The following ZSCAN25 variants were observed in gnomAD, a reference collection of about 807,000 sequenced individuals.
The protein encoded by ZSCAN25 is zinc finger and SCAN domain-containing protein 25.
ZSCAN25 carries 27 observed loss-of-function variants against 38.7 expected under a neutral mutation model. The ratio of observed to expected loss-of-function variants is 0.70; its 90% CI spans 0.51 to 0.96. The LOEUF (loss-of-function observed/expected upper bound fraction) is 0.96. ZSCAN25 is among the 40% of genes least tolerant of loss of function. ZSCAN25 has a pLI of 0.00. For synonymous variants in ZSCAN25, 273 were observed against 277.7 expected, an observed-to-expected ratio of 0.98 and a Z score of 0.17; for missense variants, 637 against 705.9, an observed-to-expected ratio of 0.90 and a Z score of 1.11.
chr7:99,667,362 G>T, the ZSCAN25 span, among the ~76,000 whole-genome samples: 1 of 152,140 alleles, frequency 6.6e-6, no homozygotes, highest in Non-Finnish European at 1.5e-5. Flanking sequence ...TCTTCCAGTG[G>T]AATAGACAGG....
the ZSCAN25 span, chr7:99,713,460 TTTTGTTACC>T: frequency 1.2e-6 from 2 of 1,613,378 alleles, no homozygotes; most frequent in Admixed American, 3.3e-5. Flanking sequence ...AGAAGCACTC[TTTTGTTACC>T]TTTGTGGGTC....
At chr7:99,651,270 A>G in the ZSCAN25 span, among the ~76,000 whole-genome samples, 3 of 152,240 alleles carry the variant, frequency 2.0e-5, no homozygotes, top group Non-Finnish European at 4.4e-5. Flanking sequence ...ATATACACAC[A>G]CATATACGTA....
the ZSCAN25 span, chr7:99,677,211 C>A: frequency 7.1e-6 from 7 of 985,388 alleles, no homozygotes; most frequent in Non-Finnish European, 8.4e-6. Context: ...CAGACCTTCC[C>A]CCTCCGGTGT....
At chr7:99,645,737 G>A in the ZSCAN25 span, among the ~76,000 whole-genome samples, 21 of 151,786 alleles carry the variant, frequency 1.4e-4, no homozygotes, top group Non-Finnish European at 1.2e-4. Context: ...TATGATTGTC[G>A]TCCACATGTA....
the ZSCAN25 span, among the ~76,000 whole-genome samples, chr7:99,683,740 C>T: frequency 0.081 from 12,349 of 152,074 alleles, 640 homozygotes; most frequent in African/African-American, 0.13. Context: ...TGGACTCCCA[C>T]ACACAGGCCG....
the ZSCAN25 span, chr7:99,731,006 A>G: frequency 1.9e-6 from 3 of 1,602,100 alleles, no homozygotes; most frequent in Non-Finnish European, 2.6e-6. Flanking sequence ...TGATGGAACT[A>G]AGTTGCTCTT....
the ZSCAN25 span, among the ~76,000 whole-genome samples, chr7:99,698,739 A>G: frequency 3.3e-4 from 50 of 152,270 alleles, no homozygotes; most frequent in Non-Finnish European, 5.1e-4. Context: ...ACAAATACTG[A>G]ACTAACAGCC....
At chr7:99,668,892 C>A in the ZSCAN25 span, among the ~76,000 whole-genome samples, 3 of 152,122 alleles carry the variant, frequency 2.0e-5, no homozygotes, top group East Asian at 3.8e-4. Context: ...GTGTTTGTGG[C>A]AATTTGGCAA....
chr7:99,686,893 C>T, the ZSCAN25 span, among the ~76,000 whole-genome samples: 3 of 152,206 alleles, frequency 2.0e-5, no homozygotes, highest in African/African-American at 7.2e-5. Context: ...CTGCAGGCAC[C>T]ACTGCTGATA....
At chr7:99,638,791 G>A in the ZSCAN25 span, 21 of 858,094 alleles carry the variant, frequency 2.4e-5, no homozygotes, top group East Asian at 4.9e-4. Flanking sequence ...GGGGCCAGGG[G>A]CATTCAGGTG....
At chr7:99,648,152 G>A in the ZSCAN25 span, 1 of 1,393,078 alleles carries the variant, frequency 7.2e-7, no homozygotes, top group African/African-American at 1.5e-5. Flanking sequence ...CAGACTCTGG[G>A]AGAGCTCAAT....
chr7:99,635,769 T>C (rs553232633), downstream of ZSCAN25, among the ~76,000 whole-genome samples: 2 of 152,300 alleles, frequency 1.3e-5, no homozygotes, highest in Non-Finnish European at 2.9e-5. Context: ...TAACATGGGC[T>C]GGGCGCGGTG....
At chr7:99,688,771 A>C in the ZSCAN25 span, among the ~76,000 whole-genome samples, 1 of 152,204 alleles carries the variant, frequency 6.6e-6, no homozygotes, top group Non-Finnish European at 1.5e-5. Context: ...TTGGAAGTAA[A>C]GCACTCCTCA....
At chr7:99,717,214 G>C in the ZSCAN25 span, 1 of 1,613,822 alleles carries the variant, frequency 6.2e-7, no homozygotes, top group South Asian at 1.1e-5. Context: ...TCTGCTTCCC[G>C]CCTCAGATTT....
the ZSCAN25 span, among the ~76,000 whole-genome samples, chr7:99,697,859 T>G: frequency 6.6e-6 from 1 of 152,226 alleles, no homozygotes; most frequent in East Asian, 1.9e-4. Context: ...CTCCTGTTCC[T>G]TCTTTTATTG....
At chr7:99,693,264 G>C in the ZSCAN25 span, among the ~76,000 whole-genome samples, 1 of 152,102 alleles carries the variant, frequency 6.6e-6, no homozygotes, top group Non-Finnish European at 1.5e-5. Context: ...CCTTCCTCTG[G>C]AAGCTTCATC....
At position 99,619,497 on chromosome 7, in the gene ZSCAN25, A is replaced by G; in HGVS notation, c.-46-64A>G. 15 of 1,280,952 alleles carry G rather than the reference A, an allele frequency of 1.2e-5. No individual in the cohort carries two copies. In the South Asian group the frequency reaches 2.0e-4, roughly 17 times the overall value. The allele number at this position is 1,280,952 out of a possible 1,614,324, so 79.3% of individuals were successfully genotyped here. A position where few individuals can be genotyped will look rare whatever the true frequency, so the allele number is the denominator to read the frequency against. ...TAATTACTGTGTTCTCCAGTGGAATATTCCTTGATGTAGAGACAGAACTGG... is the reference window on the plus strand; with the variant it reads ...TAATTACTGTGTTCTCCAGTGGAATGTTCCTTGATGTAGAGACAGAACTGG... On this transcript the variant is annotated intron_variant, in intron 3 of 7. Transcript: ENST00000394152.
the ZSCAN25 span, among the ~76,000 whole-genome samples, chr7:99,678,125 T>G: frequency 6.6e-6 from 1 of 152,180 alleles, no homozygotes; most frequent in Non-Finnish European, 1.5e-5. Context: ...TGCACCAGCA[T>G]TGTCTAAGGC....
chr7:99,690,928 C>G, the ZSCAN25 span, among the ~76,000 whole-genome samples: 2,574 of 152,226 alleles, frequency 0.017, 85 homozygotes, highest in African/African-American at 0.057. Flanking sequence ...TTTGACCCAG[C>G]CATCACATTA....
Sources: allele counts gnomAD v4.1 joint callset (sites outside exome capture counted in the v4.1 genomes callset), GRCh38; gene constraint gnomAD v4.1.1; transcripts MANE v1.5; gene names NCBI Gene and HGNC (gene_info 2026-07-23, HGNC 2026-07-21).